ADAMTSL3: variants seen among roughly 807,000 people sequenced by gnomAD.
ADAMTSL3 encodes the protein ADAMTS-like protein 3.
ADAMTSL3 carries 128 observed loss-of-function variants against 201.7 expected under a neutral mutation model. The observed-to-expected ratio is 0.63, with a 90% CI of 0.55 to 0.73. The LOEUF (loss-of-function observed/expected upper bound fraction) is 0.73. ADAMTSL3 is among the 30% of genes least tolerant of loss of function. ADAMTSL3 has a pLI of 0.00. For synonymous variants in ADAMTSL3, 738 were observed against 748.4 expected (o/e 0.99, Z 0.23); for missense variants, 1,990 against 2,119.6 (o/e 0.94, Z 1.20).
At chr15:83,722,261 T>C (rs1194738699) in intron 3 of ADAMTSL3, among the ~76,000 whole-genome samples, 1 of 152,182 alleles carries the variant, frequency 6.6e-6, no homozygotes, top group East Asian at 1.9e-4. Flanking sequence ...GAGGAGACTG[T>C]AGCTATGTTG....
intron 4 of ADAMTSL3, among the ~76,000 whole-genome samples, chr15:83,796,001 C>G (rs903510427): frequency 6.6e-6 from 1 of 151,888 alleles, no homozygotes; most frequent in African/African-American, 2.4e-5. Flanking sequence ...TATATTGATG[C>G]AAAAGTAGCA....
rs969382088 is a variant in ADAMTSL3, at chr15:83,710,863, G to A, written c.189+6355G>A. Among the ~76,000 whole-genome samples the A allele has an allele frequency of 2.6e-5, 4 of 152,142 alleles. No homozygotes were observed. In the South Asian group the frequency reaches 6.2e-4, roughly 24 times the overall value. Reference sequence around the variant, plus strand: ...TTTTCAGGTGAGGAATCTGAGCCCCGGAGAGGAACAGTGTCTTGTCCAAGA... The same window carrying A: ...TTTTCAGGTGAGGAATCTGAGCCCCAGAGAGGAACAGTGTCTTGTCCAAGA... On this transcript the variant is annotated intron_variant, in intron 3 of 29. Coordinates refer to ENST00000286744, the MANE Select transcript of ADAMTSL3 (RefSeq NM_207517.3).
At chr15:83,998,104 A>AT (rs1175503746) in intron 23 of ADAMTSL3, among the ~76,000 whole-genome samples, 5 of 152,162 alleles carry the variant, frequency 3.3e-5, no homozygotes. Context: ...TGGAGCTGCA[A>AT]TATCAGCCCA....
intron 16 of ADAMTSL3, among the ~76,000 whole-genome samples, chr15:83,919,824 A>C (rs1261173167): frequency 6.6e-6 from 1 of 152,148 alleles, no homozygotes; most frequent in African/African-American, 2.4e-5. Context: ...ACAGTCGTGG[A>C]GATTGGTCTT....
intron 7 of ADAMTSL3, among the ~76,000 whole-genome samples, chr15:83,853,655 C>T (rs769171485): frequency 1.3e-5 from 2 of 152,064 alleles, no homozygotes; most frequent in African/African-American, 2.4e-5. Flanking sequence ...GGGTAAACTT[C>T]ATTTGTATAT....
chr15:83,804,573 C>CTTTT (rs59422343), intron 4 of ADAMTSL3, 77 bp from the exon 5 acceptor site: 10 of 655,930 alleles, frequency 1.5e-5, no homozygotes, highest in Non-Finnish European at 1.6e-5. Flanking sequence ...CTTGTATTTG[C>CTTTT]TTTTTTTTTT....
intron 14 of ADAMTSL3, among the ~76,000 whole-genome samples, chr15:83,898,638 G>A (rs1269752912): frequency 6.6e-6 from 1 of 152,106 alleles, no homozygotes; most frequent in Non-Finnish European, 1.5e-5. Context: ...GGGATAGGAG[G>A]ATTTGGCATC....
chr15:84,002,961 A>G (rs1288905658), intron 23 of ADAMTSL3, among the ~76,000 whole-genome samples: 2 of 48,294 alleles, frequency 4.1e-5, no homozygotes, highest in Non-Finnish European at 3.8e-5. Context: ...TTTTTGGCTT[A>G]GAGACAGTGC....
intron 19 of ADAMTSL3, among the ~76,000 whole-genome samples, chr15:83,954,732 A>G (rs2066824139): frequency 6.6e-6 from 1 of 152,238 alleles, no homozygotes; most frequent in African/African-American, 2.4e-5. Flanking sequence ...TCATAGAGAT[A>G]TCACTTTGGT....
chr15:83,990,791 T>TGA (rs1258725829), intron 22 of ADAMTSL3, among the ~76,000 whole-genome samples: 1 of 152,170 alleles, frequency 6.6e-6, no homozygotes, highest in African/African-American at 2.4e-5. Flanking sequence ...AAGAGGAATT[T>TGA]ATCCTCAATT....
chr15:83,737,155 G>A (rs2062380811), intron 3 of ADAMTSL3, among the ~76,000 whole-genome samples: 1 of 152,308 alleles, frequency 6.6e-6, no homozygotes, highest in Non-Finnish European at 1.5e-5. Context: ...ATGGAAATAG[G>A]TATAGGTCAT....
chr15:83,821,853 C>T (rs1223852349), intron 6 of ADAMTSL3, among the ~76,000 whole-genome samples: 25 of 148,394 alleles, frequency 1.7e-4, no homozygotes, highest in Non-Finnish European at 7.5e-5. Context: ...CCGGACGGGG[C>T]GGCTGGCCGG....
At chr15:84,005,017 T>C (rs1351213756) in intron 23 of ADAMTSL3, among the ~76,000 whole-genome samples, 1 of 152,050 alleles carries the variant, frequency 6.6e-6, no homozygotes, top group East Asian at 1.9e-4. Context: ...GAAAACTGAC[T>C]CTTACTCCCT....
At chr15:83,930,787 T>G (rs182812217) in intron 17 of ADAMTSL3, among the ~76,000 whole-genome samples, 25 of 152,332 alleles carry the variant, frequency 1.6e-4, no homozygotes, top group Admixed American at 1.1e-3. Context: ...GATGCCAAAA[T>G]AAAGGTAAGT....
Position 84,016,543 on chromosome 15 carries a change from G to T in ADAMTSL3, c.4273+44G>T, listed in dbSNP as rs753852842. ...TTCAGATTTGCTATGTGTGAGGCAT[G>T]TGTAAGGAAAAGGATTTAGCTAAAA... On this transcript the variant is annotated intron_variant, in intron 25 of 29. Coordinates refer to ENST00000286744, the MANE Select transcript of ADAMTSL3 (RefSeq NM_207517.3). The T allele has an allele frequency of 2.7e-6, 4 of 1,475,938 alleles. No individual in the cohort carries two copies. The Admixed American group carries it at 7.0e-5, about 26-fold the overall frequency. 91.4% of individuals were successfully genotyped at this position (1,475,938 alleles called of 1,614,324 possible).
At chr15:83,766,385 C>T (rs909538514) in intron 3 of ADAMTSL3, among the ~76,000 whole-genome samples, 6 of 152,162 alleles carry the variant, frequency 3.9e-5, no homozygotes, top group African/African-American at 1.2e-4. Context: ...AGTTCATGAA[C>T]ATCAGTCAGA....
intron 4 of ADAMTSL3, among the ~76,000 whole-genome samples, chr15:83,781,385 G>A (rs754182864): frequency 1.1e-4 from 16 of 152,160 alleles, no homozygotes; most frequent in Non-Finnish European, 1.8e-4. Flanking sequence ...TCAATAATTG[G>A]TGCTGGGATA....
intron 6 of ADAMTSL3, among the ~76,000 whole-genome samples, chr15:83,822,002 A>AC (rs200042112): frequency 0.084 from 8,836 of 105,754 alleles, 1,208 homozygotes; most frequent in East Asian, 0.31. Flanking sequence ...CGGGTTGCTG[A>AC]CCTCCCCCAC....
At chr15:83,808,598 C>T (rs1025842380) in intron 5 of ADAMTSL3, among the ~76,000 whole-genome samples, 3 of 152,108 alleles carry the variant, frequency 2.0e-5, no homozygotes, top group Non-Finnish European at 4.4e-5. Context: ...AATAGAACTA[C>T]AATATGATCC....
Sources: allele counts gnomAD v4.1 joint callset (sites outside exome capture counted in the v4.1 genomes callset), GRCh38; gene constraint gnomAD v4.1.1; transcripts MANE v1.5; gene names NCBI Gene and HGNC (gene_info 2026-07-23, HGNC 2026-07-21).